The following VAV3 variants were observed in gnomAD, a reference collection of about 807,000 sequenced individuals.
VAV3 encodes vav guanine nucleotide exchange factor 3.
Under a neutral mutation model 131.2 loss-of-function variants are expected in VAV3, and 94 were observed. The observed-to-expected ratio is 0.72, with a 90% confidence interval of 0.61 to 0.85. VAV3 has a LOEUF of 0.85. Among genes scored for constraint, VAV3 ranks in the 40% least tolerant of loss-of-function variants. VAV3 has a pLI of 0.00. For missense variants in VAV3, 939 were observed against 1,002.7 expected (o/e 0.94, Z 0.86); for synonymous variants, 349 against 342.0 (o/e 1.02, Z -0.22).
At chr1:107,662,882 G>A (rs1335529566) in intron 19 of VAV3, among the ~76,000 whole-genome samples, 1 of 152,164 alleles carries the variant, frequency 6.6e-6, no homozygotes, top group Non-Finnish European at 1.5e-5. Flanking sequence ...CAATCAGAAA[G>A]CAGAAATTCC....
intron 1 of VAV3, among the ~76,000 whole-genome samples, chr1:107,941,288 T>C (rs990017271): frequency 6.6e-6 from 1 of 152,204 alleles, no homozygotes; most frequent in Non-Finnish European, 1.5e-5. Flanking sequence ...CTGAATGTGG[T>C]CTCTGCGTAG....
At chr1:107,893,659 G>T (rs949379258) in intron 1 of VAV3, among the ~76,000 whole-genome samples, 3 of 152,070 alleles carry the variant, frequency 2.0e-5, no homozygotes, top group African/African-American at 7.2e-5. Flanking sequence ...AACAGCACAG[G>T]AAAGACCTGC....
intron 1 of VAV3, among the ~76,000 whole-genome samples, chr1:107,887,582 T>A (rs1401241550): frequency 6.6e-6 from 1 of 152,200 alleles, no homozygotes; most frequent in Non-Finnish European, 1.5e-5. Context: ...AATATCCAAA[T>A]TACATCCCTC....
At chr1:107,936,899 C>A (rs779751522) in intron 1 of VAV3, among the ~76,000 whole-genome samples, 1 of 152,146 alleles carries the variant, frequency 6.6e-6, no homozygotes, top group Non-Finnish European at 1.5e-5. Flanking sequence ...ATTTGATACA[C>A]ATCATTCCTT....
chr1:107,599,225 C>A (rs1002306016), intron 24 of VAV3, among the ~76,000 whole-genome samples: 1 of 152,110 alleles, frequency 6.6e-6, no homozygotes, highest in African/African-American at 2.4e-5. Context: ...TACAGTCTTA[C>A]GAGGGTAAAT....
chr1:107,782,353 T>G (rs983648234), intron 2 of VAV3, among the ~76,000 whole-genome samples: 16 of 152,096 alleles, frequency 1.1e-4, no homozygotes, highest in Non-Finnish European at 2.2e-4. Context: ...CACCGCCTCT[T>G]TCAGAAAACT....
chr1:107,702,446 G>T (rs531769478), intron 17 of VAV3, among the ~76,000 whole-genome samples: 2 of 152,200 alleles, frequency 1.3e-5, no homozygotes, highest in East Asian at 3.9e-4. Flanking sequence ...TAAGTAAATG[G>T]AGTTCAAAAT....
intron 2 of VAV3, chr1:107,785,410 T>C: frequency 3.8e-6 from 5 of 1,319,574 alleles, no homozygotes; most frequent in Non-Finnish European, 5.0e-6. Context: ...CCGGGTTCAG[T>C]AACAACAACC....
chr1:107,594,759 G>A (rs542210366), intron 25 of VAV3, among the ~76,000 whole-genome samples: 1 of 152,214 alleles, frequency 6.6e-6, no homozygotes, highest in African/African-American at 2.4e-5. Flanking sequence ...GGCTGGGAGT[G>A]AACCACAGAG....
chr1:107,696,595 G>C (rs574663663), intron 17 of VAV3, among the ~76,000 whole-genome samples: 145 of 152,252 alleles, frequency 9.5e-4, no homozygotes, highest in African/African-American at 3.2e-3. Context: ...GTTAGACTAT[G>C]TTAAACATTA....
At chr1:107,894,672 C>T (rs970496507) in intron 1 of VAV3, among the ~76,000 whole-genome samples, 12 of 152,196 alleles carry the variant, frequency 7.9e-5, no homozygotes, top group South Asian at 4.1e-4. Flanking sequence ...CTTTTAAAAA[C>T]GGCAGATATA....
chr1:107,908,848 C>T (rs961403492), intron 1 of VAV3, among the ~76,000 whole-genome samples: 7 of 142,214 alleles, frequency 4.9e-5, no homozygotes, highest in Non-Finnish European at 7.4e-5. Flanking sequence ...CACACACACA[C>T]ACACACACAC....
At chr1:107,924,320 C>A (rs1312480378) in intron 1 of VAV3, among the ~76,000 whole-genome samples, 1 of 150,348 alleles carries the variant, frequency 6.7e-6, no homozygotes, top group Non-Finnish European at 1.5e-5. Flanking sequence ...ATTGTTTCCA[C>A]ATAAAGAATT....
intron 20 of VAV3, among the ~76,000 whole-genome samples, chr1:107,625,720 C>A (rs925656397): frequency 6.6e-6 from 1 of 152,156 alleles, no homozygotes; most frequent in African/African-American, 2.4e-5. Flanking sequence ...TTCAGGAATT[C>A]AAATTATCAT....
intron 24 of VAV3, among the ~76,000 whole-genome samples, chr1:107,601,261 T>C (rs2335793): frequency 0.76 from 115,099 of 151,968 alleles, 44,443 homozygotes; most frequent in Non-Finnish European, 0.85. Flanking sequence ...TTCCAGGACA[T>C]GACCTTGCTG....
At chr1:107,867,810 G>A (rs1670069973) in intron 2 of VAV3, among the ~76,000 whole-genome samples, 1 of 152,132 alleles carries the variant, frequency 6.6e-6, no homozygotes, top group African/African-American at 2.4e-5. Context: ...AAAATACTCA[G>A]GATCCCAAAT....
chr1:107,642,902 G>T (rs1655456210), intron 19 of VAV3, 147 bp from the exon 20 acceptor site: 4 of 1,122,286 alleles, frequency 3.6e-6, no homozygotes, highest in South Asian at 3.3e-5. Flanking sequence ...ATAATAGAAT[G>T]ATTTTCAACT....
At chr1:107,919,538 A>G (rs1251909062) in intron 1 of VAV3, among the ~76,000 whole-genome samples, 1 of 152,232 alleles carries the variant, frequency 6.6e-6, no homozygotes, top group East Asian at 1.9e-4. Flanking sequence ...AAGTAAGGCC[A>G]GGAGAAGTTA....
intron 15 of VAV3, among the ~76,000 whole-genome samples, chr1:107,723,159 T>C (rs557664642): frequency 2.6e-5 from 4 of 152,156 alleles, no homozygotes; most frequent in Non-Finnish European, 4.4e-5. Flanking sequence ...CCACATATAA[T>C]AGAATCTTAA....
Sources: gnomAD v4.1 joint callset for allele counts (sites outside exome capture counted in the v4.1 genomes callset) on GRCh38, gnomAD v4.1.1 for gene constraint, MANE v1.5 for transcripts, NCBI Gene and HGNC (gene_info 2026-07-23, HGNC 2026-07-21) for gene names.